LRRC17: variants seen among roughly 807,000 people sequenced by gnomAD.
The protein encoded by LRRC17 is leucine rich repeat containing 17.
In LRRC17, 33 loss-of-function variants were observed where a neutral mutation model predicts 41.5. That is an observed-to-expected ratio of 0.80 (90% CI 0.60 to 1.06). LRRC17 has a LOEUF of 1.06. LRRC17 is among the 50% of genes least tolerant of loss of function. The probability of loss-of-function intolerance (pLI) is 0.00; values close to 1 mark genes in which losing one functional copy is unlikely to be tolerated. For synonymous variants in LRRC17, 192 were observed against 197.0 expected, an observed-to-expected ratio of 0.97 and a Z score of 0.21; for missense variants, 491 against 519.3, an observed-to-expected ratio of 0.95 and a Z score of 0.53.
At chr7:102,926,228 G>A in intron 1 of LRRC17, 1 of 1,532,706 alleles carries the variant, frequency 6.5e-7, no homozygotes. Context: ...CAGAGACTTT[G>A]GGAGCATAAT....
chr7:102,938,202 G>A (rs1008349570), intron 2 of LRRC17, among the ~76,000 whole-genome samples: 9 of 152,198 alleles, frequency 5.9e-5, no homozygotes, highest in Admixed American at 5.9e-4. Flanking sequence ...AACTGCTTTA[G>A]CTTCACATTG....
At chr7:102,942,116 T>G (rs1456559668) in intron 3 of LRRC17, among the ~76,000 whole-genome samples, 2 of 152,208 alleles carry the variant, frequency 1.3e-5, no homozygotes, top group African/African-American at 4.8e-5. Flanking sequence ...TTTCCCCCTT[T>G]GTTCAATTCA....
rs1822102581 is a variant in LRRC17, at chr7:102,944,535, T to C, written c.1254T>C (p.Asp418=). The C allele has an allele frequency of 6.2e-7, 1 of 1,613,480 alleles. No individual in the cohort carries two copies. ...AGTCATTTGACCAAGACACAGAAGA[T>C]GATGAATGGGAAAAAAAACATAGAG... The part of the protein sequence containing the change: ...YPESFDQDTE[D]DEWEKKHRDH... Residue 418 remains aspartate, a synonymous_variant, in exon 4 of 4, where the codon GAT becomes GAC. Coordinates refer to ENST00000339431, the MANE Select transcript of LRRC17 (RefSeq NM_001031692.3).
rs1815711292 is a variant in LRRC17 at position 102,915,709 on chromosome 7, T to C, written c.-141+2564T>C. On this transcript the variant is annotated intron_variant, in intron 1 of 3. Coordinates refer to ENST00000339431, the MANE Select transcript of LRRC17 (RefSeq NM_001031692.3). ...AAGATTACAAAAACAGCCAATTATA[T>C]TGAAATACATAATTACCAAATAAAA... Among the ~76,000 whole-genome samples the C allele has an allele frequency of 2.7e-5, 4 of 147,412 alleles. 1 individual carries two copies. The South Asian group carries it at 6.5e-4, about 24-fold the overall frequency.
chr7:102,917,670 G>A (rs945750174), intron 1 of LRRC17, among the ~76,000 whole-genome samples: 2 of 152,116 alleles, frequency 1.3e-5, no homozygotes, highest in Non-Finnish European at 2.9e-5. Context: ...GAATGTCAAC[G>A]AAGAGTAAGG....
chr7:102,925,366 G>C (rs1280917361), intron 1 of LRRC17, among the ~76,000 whole-genome samples: 1 of 152,220 alleles, frequency 6.6e-6, no homozygotes, highest in Non-Finnish European at 1.5e-5. Flanking sequence ...TTGCATTGCA[G>C]CCTGGGTGAC....
intron 1 of LRRC17, among the ~76,000 whole-genome samples, chr7:102,932,770 G>A (rs1372921774): frequency 3.3e-5 from 5 of 151,822 alleles, no homozygotes; most frequent in African/African-American, 1.2e-4. Context: ...CACCATGCCC[G>A]GCTAATTTTT....
At position 102,913,006 on chromosome 7, in the gene LRRC17, A is replaced by G; in HGVS notation, c.-280A>G. 1 of 1,589,328 alleles carries G rather than the reference A, an allele frequency of 6.3e-7. No individual in the cohort carries two copies. Among genetic ancestry groups the G allele is most frequent in the Non-Finnish European group, 8.6e-7 (1 of 1,161,790 alleles). Reference sequence around the variant, plus strand: ...GCTGCGGTCCGTGCACAGCATTAGTATAACGTGAGGGCTGAATGCAGCCCA... The same window carrying G: ...GCTGCGGTCCGTGCACAGCATTAGTGTAACGTGAGGGCTGAATGCAGCCCA... On this transcript the variant is annotated 5_prime_UTR_variant, in exon 1 of 4. Coordinates refer to ENST00000339431, the MANE Select transcript of LRRC17 (RefSeq NM_001031692.3).
At chr7:102,934,751 C>A in intron 2 of LRRC17, 66 bp downstream of exon 2, 1 of 1,306,744 alleles carries the variant, frequency 7.7e-7, no homozygotes, top group South Asian at 1.5e-5. Context: ...TCTTATAATC[C>A]TCCCTACATC....
At chr7:102,923,967 C>T (rs111660573) in intron 1 of LRRC17, among the ~76,000 whole-genome samples, 6 of 152,062 alleles carry the variant, frequency 3.9e-5, no homozygotes, top group African/African-American at 1.4e-4. Context: ...AGGCTGGGCG[C>T]AGTGGCTCAC....
chr7:102,915,425 G>C (rs1815641606), intron 1 of LRRC17, among the ~76,000 whole-genome samples: 1 of 151,572 alleles, frequency 6.6e-6, no homozygotes, highest in African/African-American at 2.4e-5. Flanking sequence ...TAATGAAATG[G>C]ATACTTATCT....
In LRRC17 at chr7:102,944,311, C is replaced by T; in HGVS notation, c.1030C>T (p.Leu344Phe). 1.9e-6 allele frequency: 3 copies of T among 1,613,930 alleles called. No homozygotes were observed. The South Asian group carries it at 3.3e-5, about 18-fold the overall frequency. Residue 344 changes from leucine (L) to phenylalanine (F), a missense_variant, in exon 4 of 4, where the codon CTC becomes TTC. Coordinates refer to ENST00000339431, the MANE Select transcript of LRRC17 (RefSeq NM_001031692.3). The part of the protein sequence containing the change: ...GVLEDLYFLK[L>F]LWLRDNPWRC... ...ATTAGAAGACTTGTATTTTTTGAAACTCTTGTGGCTCAGAGATAACCCTTG... is the reference window on the plus strand; with the variant it reads ...ATTAGAAGACTTGTATTTTTTGAAATTCTTGTGGCTCAGAGATAACCCTTG...
At chr7:102,916,251 T>TGCTG (rs1295850221) in intron 1 of LRRC17, among the ~76,000 whole-genome samples, 1 of 152,164 alleles carries the variant, frequency 6.6e-6, no homozygotes, top group Admixed American at 6.5e-5. Flanking sequence ...CCTCCCAAAG[T>TGCTG]GCTGGGATTA....
chr7:102,913,287 T>C, intron 1 of LRRC17, 142 bp downstream of exon 1: 5 of 1,582,094 alleles, frequency 3.2e-6, no homozygotes, highest in Non-Finnish European at 4.3e-6. Context: ...TAAGCCACTA[T>C]GACAAAGAAA....
At chr7:102,916,900 T>TC (rs1465816364) in intron 1 of LRRC17, among the ~76,000 whole-genome samples, 1 of 152,150 alleles carries the variant, frequency 6.6e-6, no homozygotes, top group Non-Finnish European at 1.5e-5. Flanking sequence ...GATTTTTTTT[T>TC]CTCCTTTCTT....
intron 1 of LRRC17, among the ~76,000 whole-genome samples, chr7:102,924,327 C>T (rs917979294): frequency 2.0e-5 from 3 of 151,856 alleles, no homozygotes; most frequent in Non-Finnish European, 4.4e-5. Context: ...GTTTGCTGAC[C>T]CCTGATTTAG....
In LRRC17 at chr7:102,934,565, G is replaced by C; in HGVS notation, c.652G>C (p.Glu218Gln). ...ACAGTTGTGTAATGAAGAAGAAAAG[G>C]AACAATTGGACCCGAAACCCCAAGT... ...SEQLCNEEEK[E>Q]QLDPKPQVSG... Residue 218 changes from glutamate to glutamine, a missense_variant, in exon 2 of 4, where the codon GAA (glutamate) becomes CAA (glutamine). By Grantham distance (29) the Glu-to-Gln change is conservative (BLOSUM62 2). Coordinates refer to ENST00000339431, the MANE Select transcript of LRRC17 (RefSeq NM_001031692.3). The C allele has an allele frequency of 1.2e-6, 2 of 1,610,948 alleles. No individual in the cohort carries two copies. Among genetic ancestry groups the C allele is most frequent in the Non-Finnish European group, 1.7e-6 (2 of 1,177,582 alleles).
intron 1 of LRRC17, 100 bp from the exon 2 acceptor site, chr7:102,933,674 A>G (rs1819662428): frequency 3.1e-6 from 1 of 317,732 alleles, no homozygotes; most frequent in Non-Finnish European, 5.7e-6. Flanking sequence ...TGTTCTGTGG[A>G]ACTAGAAGGC....
intron 1 of LRRC17, among the ~76,000 whole-genome samples, chr7:102,919,957 A>G (rs1263326001): frequency 2.0e-5 from 3 of 152,242 alleles, no homozygotes; most frequent in African/African-American, 7.2e-5. Flanking sequence ...TAATTACAAT[A>G]TTGAGTGCAA....
Sources: gnomAD v4.1 joint callset for allele counts (sites outside exome capture counted in the v4.1 genomes callset) on GRCh38, gnomAD v4.1.1 for gene constraint, MANE v1.5 for transcripts, NCBI Gene and HGNC (gene_info 2026-07-23, HGNC 2026-07-21) for gene names.